The following PIGK variants were observed in gnomAD, a reference collection of about 807,000 sequenced individuals.
The protein encoded by PIGK is GPI-anchor transamidase.
A neutral mutation model predicts 50.6 loss-of-function variants in PIGK; 42 were observed. The observed-to-expected ratio is 0.83, with a 90% CI of 0.65 to 1.07. PIGK has a LOEUF of 1.07. PIGK is among the 50% of genes least tolerant of loss of function. The pLI is 0.00. For missense variants in PIGK, 448 were observed against 488.7 expected, an observed-to-expected ratio of 0.92 and a Z score of 0.78; for synonymous variants, 151 against 156.0, an observed-to-expected ratio of 0.97 and a Z score of 0.24.
rs1655106500 is a variant in PIGK at position 77,160,406 on chromosome 1, G to T, written c.813+889C>A. 2.0e-5 allele frequency among the ~76,000 whole-genome samples: 3 copies of T among 152,158 alleles called. No homozygotes were observed. The South Asian group carries it at 6.2e-4, about 32-fold the overall frequency. ...TCAGAATCTGAGAATTTACCTAAAA[G>T]ATTTATATATAATTAAAGAGATCAA... On this transcript the variant is annotated intron_variant, in intron 8 of 10. Transcript: ENST00000370812.
chr1:77,099,454 C>T (rs1653494291), intron 10 of PIGK, among the ~76,000 whole-genome samples: 1 of 152,074 alleles, frequency 6.6e-6, no homozygotes, highest in Admixed American at 6.5e-5. Context: ...AAAGACTCCA[C>T]CTAGAAGAAT....
chr1:77,148,619 C>T (rs994726696), intron 9 of PIGK, among the ~76,000 whole-genome samples: 1 of 151,718 alleles, frequency 6.6e-6, no homozygotes, highest in Middle Eastern at 3.2e-3. Flanking sequence ...TTCAAAATGT[C>T]GGGGGAGAGG....
At chr1:77,134,242 A>G (rs1352952665) in intron 9 of PIGK, among the ~76,000 whole-genome samples, 1 of 152,240 alleles carries the variant, frequency 6.6e-6, no homozygotes, top group Non-Finnish European at 1.5e-5. Context: ...GTTCACCACA[A>G]TCTCCAGAGC....
At chr1:77,166,861 GA>G in intron 4 of PIGK, 31 bp from the exon 5 acceptor site, 1 of 1,006,766 alleles carries the variant, frequency 9.9e-7, no homozygotes, top group Non-Finnish European at 1.5e-6. Context: ...AAAATCAGAT[GA>G]AATAAAACCT....
At chr1:77,101,102 C>T (rs747451488) in intron 10 of PIGK, among the ~76,000 whole-genome samples, 15 of 152,140 alleles carry the variant, frequency 9.9e-5, no homozygotes, top group Middle Eastern at 3.4e-3. Context: ...TCTGCCAAAC[C>T]TGGATGAATA....
At chr1:77,191,203 T>C (rs1298891726) in intron 3 of PIGK, among the ~76,000 whole-genome samples, 3 of 152,238 alleles carry the variant, frequency 2.0e-5, no homozygotes, top group Non-Finnish European at 2.9e-5. Context: ...AAGAGTGTTG[T>C]AGTCATGAAT....
chr1:77,094,931 A>G (rs750056782), intron 10 of PIGK, among the ~76,000 whole-genome samples: 6 of 152,164 alleles, frequency 3.9e-5, no homozygotes, highest in Non-Finnish European at 7.4e-5. Context: ...TTTAAAAGTA[A>G]TAATGGAGGA....
intron 9 of PIGK, among the ~76,000 whole-genome samples, chr1:77,128,536 A>T (rs1654281069): frequency 6.6e-6 from 1 of 152,220 alleles, no homozygotes; most frequent in Non-Finnish European, 1.5e-5. Context: ...AATTATAGGC[A>T]GGCTTTCCAG....
At chr1:77,195,098 G>A (rs1570255962) in intron 3 of PIGK, 2 of 1,082,584 alleles carry the variant, frequency 1.8e-6, no homozygotes, top group Admixed American at 1.8e-5. Flanking sequence ...GACTGGTGAG[G>A]TGTGGTCATA....
intron 10 of PIGK, among the ~76,000 whole-genome samples, chr1:77,120,616 GT>G (rs1237992480): frequency 1.3e-5 from 2 of 152,288 alleles, no homozygotes; most frequent in East Asian, 3.9e-4. Flanking sequence ...AATGGTAACA[GT>G]CCTTAAGTTG....
chr1:77,099,903 C>T (rs889800178), intron 10 of PIGK, among the ~76,000 whole-genome samples: 2 of 152,022 alleles, frequency 1.3e-5, no homozygotes, highest in Admixed American at 6.6e-5. Flanking sequence ...AGGTGAAAAG[C>T]GTACATAAAA....
At chr1:77,175,266 T>C (rs1655456982) in intron 3 of PIGK, among the ~76,000 whole-genome samples, 1 of 152,202 alleles carries the variant, frequency 6.6e-6, no homozygotes, top group Non-Finnish European at 1.5e-5. Context: ...ATCAGCCACG[T>C]CCTCTAGCTA....
chr1:77,120,936 A>G (rs941043284), intron 10 of PIGK, among the ~76,000 whole-genome samples: 3 of 152,226 alleles, frequency 2.0e-5, no homozygotes, highest in African/African-American at 7.2e-5. Context: ...CACACAGTGT[A>G]TAACAGTCAA....
intron 3 of PIGK, among the ~76,000 whole-genome samples, chr1:77,197,463 A>T (rs1238128371): frequency 6.6e-6 from 1 of 152,186 alleles, no homozygotes; most frequent in East Asian, 1.9e-4. Context: ...ACTATTCTGA[A>T]TTCCTCTGCC....
intron 3 of PIGK, among the ~76,000 whole-genome samples, chr1:77,184,764 C>A (rs1655700976): frequency 6.6e-6 from 1 of 152,144 alleles, no homozygotes; most frequent in South Asian, 2.1e-4. Flanking sequence ...CTGGCAGAAC[C>A]CCCATATTGG....
chr1:77,215,915 G>T (rs1479103147), intron 1 of PIGK, among the ~76,000 whole-genome samples: 1 of 152,082 alleles, frequency 6.6e-6, no homozygotes, highest in East Asian at 1.9e-4. Flanking sequence ...AAATAGAGTA[G>T]AATAGAGGCT....
intron 9 of PIGK, among the ~76,000 whole-genome samples, chr1:77,124,625 A>C (rs965296467): frequency 6.6e-6 from 1 of 151,252 alleles, no homozygotes; most frequent in African/African-American, 2.4e-5. Flanking sequence ...AACAACAAAA[A>C]AAAAAACACA....
At chr1:77,123,471 A>T (rs888054678) in intron 9 of PIGK, among the ~76,000 whole-genome samples, 1 of 152,182 alleles carries the variant, frequency 6.6e-6, no homozygotes, top group Non-Finnish European at 1.5e-5. Context: ...AGAACCTCTT[A>T]TCTAGGTAAA....
At chr1:77,132,525 T>G (rs1373230220) in intron 9 of PIGK, among the ~76,000 whole-genome samples, 1 of 152,024 alleles carries the variant, frequency 6.6e-6, no homozygotes, top group Non-Finnish European at 1.5e-5. Context: ...CCTCCTGCCT[T>G]TGACCTTATT....
Sources: gnomAD v4.1 joint callset for allele counts (sites outside exome capture counted in the v4.1 genomes callset) on GRCh38, gnomAD v4.1.1 for gene constraint, MANE v1.5 for transcripts, NCBI Gene and HGNC (gene_info 2026-07-23, HGNC 2026-07-21) for gene names.